IMMP2L: variants seen among roughly 807,000 people sequenced by gnomAD.
The protein encoded by IMMP2L is inner mitochondrial membrane peptidase subunit 2.
Under a neutral mutation model 19.3 loss-of-function variants are expected in IMMP2L, and 18 were observed. The observed-to-expected ratio is 0.93, with a 90% CI of 0.64 to 1.38. The LOEUF (loss-of-function observed/expected upper bound fraction) is 1.38, where lower values mean the gene tolerates loss of function less well. Ranked by LOEUF, IMMP2L falls within the 40% of genes most tolerant of loss-of-function variation. The pLI is 0.00. For synonymous variants in IMMP2L, 76 were observed against 73.0 expected, an observed-to-expected ratio of 1.04 and a Z score of -0.21; for missense variants, 233 against 218.2, an observed-to-expected ratio of 1.07 and a Z score of -0.43.
chr7:111,449,077 A>G (rs1475191603), intron 3 of IMMP2L, among the ~76,000 whole-genome samples: 1 of 151,268 alleles, frequency 6.6e-6, no homozygotes, highest in Non-Finnish European at 1.5e-5. Context: ...ATAGTTTACC[A>G]ACCAAAAAGA....
At chr7:111,465,852 G>C (rs1218473191) in intron 3 of IMMP2L, among the ~76,000 whole-genome samples, 1 of 152,090 alleles carries the variant, frequency 6.6e-6, no homozygotes, top group Non-Finnish European at 1.5e-5. Flanking sequence ...TATAAATCAT[G>C]CTGCTATAAA....
chr7:111,522,926 C>CATACATATATATATATATAT (rs1554534707), intron 1 of IMMP2L, among the ~76,000 whole-genome samples: 4 of 134,868 alleles, frequency 3.0e-5, no homozygotes, highest in African/African-American at 1.3e-4. Flanking sequence ...ATGTGAGATA[C>CATACATATATATATATATAT]ATATATATAT....
At chr7:110,717,333 C>G (rs114803468) in intron 5 of IMMP2L, among the ~76,000 whole-genome samples, 4 of 152,048 alleles carry the variant, frequency 2.6e-5, no homozygotes, top group Non-Finnish European at 4.4e-5. Flanking sequence ...AAAAAATTAG[C>G]GGGTGTCTGT....
At chr7:110,892,201 G>A (rs1330135604) in intron 4 of IMMP2L, among the ~76,000 whole-genome samples, 2 of 152,010 alleles carry the variant, frequency 1.3e-5, no homozygotes. Context: ...GGTTACCTCT[G>A]GTCCGTTCCC....
intron 3 of IMMP2L, among the ~76,000 whole-genome samples, chr7:111,045,791 C>A (rs1792336964): frequency 6.6e-6 from 1 of 152,172 alleles, no homozygotes; most frequent in African/African-American, 2.4e-5. Flanking sequence ...TGATTTTAGC[C>A]TAGTGAAACA....
intron 5 of IMMP2L, among the ~76,000 whole-genome samples, chr7:110,713,759 G>A (rs568569877): frequency 2.2e-4 from 33 of 151,892 alleles, no homozygotes; most frequent in Middle Eastern, 6.8e-3. Flanking sequence ...CTGGTGCACA[G>A]AAATGTTACT....
intron 3 of IMMP2L, among the ~76,000 whole-genome samples, chr7:111,011,868 G>A (rs1429456379): frequency 6.6e-6 from 1 of 152,140 alleles, no homozygotes; most frequent in Non-Finnish European, 1.5e-5. Flanking sequence ...CTATGGCTCT[G>A]GTAGGAGAGC....
chr7:110,818,370 T>C (rs1312225133), intron 5 of IMMP2L, among the ~76,000 whole-genome samples: 3 of 152,114 alleles, frequency 2.0e-5, no homozygotes, highest in South Asian at 2.1e-4. Flanking sequence ...AAAATGCTCA[T>C]CATCACTGGC....
chr7:111,520,240 G>A (rs948474728), intron 2 of IMMP2L, among the ~76,000 whole-genome samples: 4 of 152,040 alleles, frequency 2.6e-5, no homozygotes, highest in African/African-American at 7.2e-5. Flanking sequence ...CTTTGGGCTG[G>A]TGATCCACTA....
intron 3 of IMMP2L, among the ~76,000 whole-genome samples, chr7:110,965,299 A>C (rs1819415588): frequency 6.6e-6 from 1 of 152,082 alleles, no homozygotes; most frequent in African/African-American, 2.4e-5. Flanking sequence ...AAAGGAATGT[A>C]AATGTGCAAA....
At chr7:111,024,853 T>A (rs1287248301) in intron 3 of IMMP2L, among the ~76,000 whole-genome samples, 1 of 152,210 alleles carries the variant, frequency 6.6e-6, no homozygotes, top group South Asian at 2.1e-4. Flanking sequence ...TTTTTACTTG[T>A]CTTTCAAATT....
At chr7:110,694,784 T>C (rs1182513886) in intron 5 of IMMP2L, among the ~76,000 whole-genome samples, 13 of 152,198 alleles carry the variant, frequency 8.5e-5, no homozygotes. Flanking sequence ...TGCATGTTCA[T>C]AGTAGCACTG....
At chr7:111,002,642 A>G (rs1375990375) in intron 3 of IMMP2L, among the ~76,000 whole-genome samples, 2 of 152,188 alleles carry the variant, frequency 1.3e-5, no homozygotes, top group African/African-American at 4.8e-5. Context: ...ATACTTAATC[A>G]AGGGTAATTT....
intron 5 of IMMP2L, among the ~76,000 whole-genome samples, chr7:110,808,272 C>T (rs763894597): frequency 2.0e-5 from 3 of 151,974 alleles, no homozygotes; most frequent in Non-Finnish European, 2.9e-5. Flanking sequence ...TAGCCCACAC[C>T]TAGGAATTTG....
At chr7:111,495,799 G>T (rs1843540103) in intron 2 of IMMP2L, among the ~76,000 whole-genome samples, 1 of 152,160 alleles carries the variant, frequency 6.6e-6, no homozygotes, top group African/African-American at 2.4e-5. Context: ...TATAAAGAAA[G>T]CCTGGTTTTG....
chr7:110,905,781 G>C (rs2129547730), intron 4 of IMMP2L, among the ~76,000 whole-genome samples: 1 of 152,222 alleles, frequency 6.6e-6, no homozygotes, highest in African/African-American at 2.4e-5. Flanking sequence ...ACTGATAGTT[G>C]TCAGCTTGAT....
At position 110,924,861 on chromosome 7, in the gene IMMP2L, C is replaced by G. The variant is rs1330758238; in HGVS notation, c.306-38166G>C. 6.6e-6 allele frequency among the ~76,000 whole-genome samples: 1 copy of G among 152,148 alleles called. No individual in the cohort carries two copies. The highest frequency in any genetic ancestry group is 2.4e-5 in the African/African-American group (1 of 41,428). ...TCTGGTTCATGCCTCTGCCACTACA[C>G]TGCCTTAGAGCCTTATATTTCAAGA... On this transcript the variant is annotated intron_variant, in intron 4 of 5. Transcript: ENST00000405709. The surrounding 1 kb of genome is among the most constrained non-coding windows in gnomAD (Gnocchi z 4.2).
chr7:111,034,380 G>A (rs966485755), intron 3 of IMMP2L, among the ~76,000 whole-genome samples: 6 of 152,028 alleles, frequency 3.9e-5, no homozygotes, highest in African/African-American at 1.4e-4. Flanking sequence ...ATAGGCATAG[G>A]GGAAAGGCAT....
chr7:110,716,791 GATAAAGGATAT>G lies in IMMP2L; in HGVS notation c.409-53081_409-53071del, dbSNP rs1446632954. Among the ~76,000 whole-genome samples the G allele has an allele frequency of 7.9e-5, 12 of 152,254 alleles. No individual in the cohort carries two copies. The East Asian group carries it at 2.3e-3, about 29-fold the overall frequency. ...GTGAAGGGTTGTCAGAAATATTATGGATAAAGGATATATAATCTGTCAAAGGTTTTGACTAA... is the reference window on the plus strand; with the variant it reads ...GTGAAGGGTTGTCAGAAATATTATGGATAATCTGTCAAAGGTTTTGACTAA... On this transcript the variant is annotated intron_variant, in intron 5 of 5. Coordinates refer to ENST00000405709, the MANE Select transcript of IMMP2L (RefSeq NM_032549.4).
Sources: gnomAD v4.1 joint callset for allele counts (sites outside exome capture counted in the v4.1 genomes callset) on GRCh38, gnomAD v4.1.1 for gene constraint, Gnocchi (gnomAD v3.1) non-coding constraint, MANE v1.5 for transcripts, NCBI Gene and HGNC (gene_info 2026-07-23, HGNC 2026-07-21) for gene names.